ZNF75D: variants seen among roughly 807,000 people sequenced by gnomAD.
ZNF75D encodes zinc finger protein 75.
In ZNF75D, 33 loss-of-function variants were observed where a neutral mutation model predicts 33.3. The observed-to-expected ratio is 0.99, with a 90% CI of 0.75 to 1.32. The LOEUF (loss-of-function observed/expected upper bound fraction) is 1.32, where lower values mean the gene tolerates loss of function less well. Among genes scored for constraint, ZNF75D ranks in the 40% most tolerant of loss-of-function variants. The probability of loss-of-function intolerance (pLI) is 0.00; values close to 1 mark genes in which losing one functional copy is unlikely to be tolerated. For missense variants in ZNF75D, 338 were observed against 367.5 expected (o/e 0.92, Z 0.66); for synonymous variants, 113 against 130.6 (o/e 0.87, Z 0.92).
chrX:135,338,383 G>A (rs1556443354), intron 1 of ZNF75D, among the ~76,000 whole-genome samples: 1 of 112,041 alleles, frequency 8.9e-6, no homozygotes, highest in African/African-American at 3.2e-5. Flanking sequence ...AAGATTCCAA[G>A]AAAGCATGCG....
intron 1 of ZNF75D, among the ~76,000 whole-genome samples, chrX:135,258,557 T>G (rs190470351): frequency 7.2e-5 from 8 of 110,682 alleles, no homozygotes; most frequent in African/African-American, 2.7e-4. Flanking sequence ...GATGAGGAGC[T>G]TTTTTTCATG....
chrX:135,322,592 T>A (rs1376813680), intron 1 of ZNF75D, among the ~76,000 whole-genome samples: 1 of 112,262 alleles, frequency 8.9e-6, no homozygotes, highest in Non-Finnish European at 1.9e-5. Flanking sequence ...GACATATAGA[T>A]ACAGATAATG....
At chrX:135,333,712 C>A (rs2084677875) in intron 1 of ZNF75D, among the ~76,000 whole-genome samples, 1 of 111,777 alleles carries the variant, frequency 8.9e-6, no homozygotes, top group South Asian at 3.7e-4. Flanking sequence ...TCCCACCTAC[C>A]TTCCCGCAAA....
chrX:135,302,543 T>A (rs1293955111), intron 1 of ZNF75D, among the ~76,000 whole-genome samples: 1 of 112,811 alleles, frequency 8.9e-6, no homozygotes, highest in East Asian at 2.8e-4. Context: ...GAGCGGGACT[T>A]AACCCTTGAC....
chrX:135,258,561 T>C (rs1556414884), intron 1 of ZNF75D, among the ~76,000 whole-genome samples: 1 of 112,231 alleles, frequency 8.9e-6, no homozygotes, highest in African/African-American at 3.2e-5. Context: ...AGGAGCTTTT[T>C]TTCATGTCCC....
intron 1 of ZNF75D, among the ~76,000 whole-genome samples, chrX:135,273,408 A>G (rs782578536): frequency 9.0e-6 from 1 of 111,499 alleles, no homozygotes; most frequent in East Asian, 2.8e-4. Flanking sequence ...ATTCTTCCCT[A>G]ATCCTACTTA....
chrX:135,296,740 C>T (rs947550850), intron 1 of ZNF75D, among the ~76,000 whole-genome samples: 2 of 112,179 alleles, frequency 1.8e-5, no homozygotes, highest in Admixed American at 9.4e-5. Flanking sequence ...GAGATAGGTC[C>T]CATTTATACT....
At position 135,287,570 on chromosome X, in the gene ZNF75D, C is replaced by G. The variant is rs782539023; in HGVS notation, c.1100G>C (p.Cys367Ser). The G allele has an allele frequency of 1.7e-6, 2 of 1,211,848 alleles. No individual in the cohort carries two copies. Among genetic ancestry groups the G allele is most frequent in the East Asian group, 5.9e-5 (2 of 33,859 alleles). ...TCTGAAGCTTTTCCCACATTCCTGA[C>G]ACTTAAAAGGTTTCTCCCCTGTGGG... Reference protein sequence around the residue: ...KGPTGEKPFKCQECGKSFRVS... With the variant: ...KGPTGEKPFKSQECGKSFRVS... Residue 367 changes from cysteine (C) to serine (S), a missense_variant, in exon 7 of 7, where the codon TGT becomes TCT. Transcript: ENST00000370766.
intron 1 of ZNF75D, among the ~76,000 whole-genome samples, chrX:135,265,175 C>A (rs183458187): frequency 1.9e-5 from 2 of 107,671 alleles, no homozygotes; most frequent in Non-Finnish European, 3.8e-5. Flanking sequence ...GCTGAGTTCA[C>A]GCCATTACAC....
At chrX:135,268,148 C>T (rs2083869638) in intron 1 of ZNF75D, among the ~76,000 whole-genome samples, 2 of 97,942 alleles carry the variant, frequency 2.0e-5, no homozygotes, top group South Asian at 1.1e-3. Context: ...AAACCCACAT[C>T]TAGTATGCTG....
chrX:135,258,157 A>G (rs28711338), intron 1 of ZNF75D, among the ~76,000 whole-genome samples: 6,471 of 79,884 alleles, frequency 0.081, 833 homozygotes, highest in Non-Finnish European at 0.16. Context: ...ATTTTTTATG[A>G]ATGCATAGTA....
chrX:135,340,327 T>C (rs1334465046), intron 1 of ZNF75D, among the ~76,000 whole-genome samples: 2 of 112,092 alleles, frequency 1.8e-5, no homozygotes, highest in Non-Finnish European at 3.8e-5. Context: ...TGCATCTTAA[T>C]TTTTTAGACA....
intron 1 of ZNF75D, among the ~76,000 whole-genome samples, chrX:135,304,309 T>G (rs2084257761): frequency 9.0e-6 from 1 of 111,098 alleles, no homozygotes; most frequent in Non-Finnish European, 1.9e-5. Context: ...GGAAGCAAGC[T>G]AACCAGCAAC....
At chrX:135,339,889 G>T (rs1270075829) in intron 1 of ZNF75D, among the ~76,000 whole-genome samples, 1 of 111,890 alleles carries the variant, frequency 8.9e-6, no homozygotes, top group East Asian at 2.8e-4. Context: ...AAGAAATTGT[G>T]CTCTGAACTT....
At chrX:135,272,783 C>A (rs1376079114) in intron 1 of ZNF75D, among the ~76,000 whole-genome samples, 1 of 111,388 alleles carries the variant, frequency 9.0e-6, no homozygotes, top group African/African-American at 3.3e-5. Context: ...CAGGAAATAT[C>A]CTCTCCATTT....
chrX:135,266,233 C>T (rs1233365288), intron 1 of ZNF75D, among the ~76,000 whole-genome samples: 1 of 111,285 alleles, frequency 9.0e-6, no homozygotes, highest in Non-Finnish European at 1.9e-5. Context: ...CACAAAACAA[C>T]CAGAAAACAA....
chrX:135,307,979 A>T (rs1372874520), intron 1 of ZNF75D, among the ~76,000 whole-genome samples: 1 of 112,614 alleles, frequency 8.9e-6, no homozygotes, highest in Non-Finnish European at 1.9e-5. Context: ...ATAAATTTTA[A>T]TGAAGGGATT....
intron 1 of ZNF75D, among the ~76,000 whole-genome samples, chrX:135,264,977 T>C (rs1313688480): frequency 3.6e-5 from 4 of 112,009 alleles, no homozygotes. Flanking sequence ...TCCCAGCACT[T>C]TGGGAGGCCA....
intron 1 of ZNF75D, among the ~76,000 whole-genome samples, chrX:135,299,795 T>C (rs1375881051): frequency 8.9e-6 from 1 of 112,655 alleles, no homozygotes; most frequent in African/African-American, 3.2e-5. Context: ...TTTTTGTGTA[T>C]GATCTAAGAT....
Sources: allele counts gnomAD v4.1 joint callset (sites outside exome capture counted in the v4.1 genomes callset), GRCh38; gene constraint gnomAD v4.1.1; transcripts MANE v1.5; gene names NCBI Gene and HGNC (gene_info 2026-07-23, HGNC 2026-07-21).